NBN: variants seen among roughly 807,000 people sequenced by gnomAD.
NBN encodes Nijmegen breakage syndrome 1 (nibrin).
NBN carries 88 observed loss-of-function variants against 90.8 expected under a neutral mutation model. That is an observed-to-expected ratio of 0.97 (90% CI 0.82 to 1.16). The LOEUF is 1.16. Among genes scored for constraint, NBN ranks in the 50% most tolerant of loss-of-function variants. The probability of loss-of-function intolerance (pLI) is 0.00; values close to 1 mark genes in which losing one functional copy is unlikely to be tolerated. For missense variants in NBN, 894 were observed against 869.6 expected, an observed-to-expected ratio of 1.03 and a Z score of -0.35; for synonymous variants, 328 against 295.1, an observed-to-expected ratio of 1.11 and a Z score of -1.14.
At chr8:89,958,667 T>C in intron 9 of NBN, 58 bp downstream of exon 9, 1 of 1,566,420 alleles carries the variant, frequency 6.4e-7, no homozygotes, top group South Asian at 1.1e-5. Context: ...ACTTCCTGAA[T>C]ATACTATTAA....
chr8:89,978,661 G>A (rs1811891016), intron 4 of NBN, among the ~76,000 whole-genome samples: 1 of 152,118 alleles, frequency 6.6e-6, no homozygotes, highest in African/African-American at 2.4e-5. Context: ...ACATTAAAAT[G>A]TTAAAAATAT....
chr8:89,983,431 CA>C (rs35054147), intron 1 of NBN, among the ~76,000 whole-genome samples: 43,980 of 121,140 alleles, frequency 0.36, 6,422 homozygotes, highest in East Asian at 0.49. Context: ...GACTCCGTCT[CA>C]AAAAAAAAAA....
rs375584006 is a variant in NBN at position 89,984,573 on chromosome 8, C to A, written c.-12G>T. On this transcript the variant is annotated 5_prime_UTR_variant, in exon 1 of 16. In the 5' UTR this introduces an upstream ATG that the reference lacks. Coordinates refer to ENST00000265433, the MANE Select transcript of NBN (RefSeq NM_002485.5). Reference sequence around the variant, plus strand: ...AGCAGTTTCCACATCGGTCCGGCTCCTCAGGGCTGGGGCCGACGTGCAACC... The same window carrying A: ...AGCAGTTTCCACATCGGTCCGGCTCATCAGGGCTGGGGCCGACGTGCAACC... 6 of 1,612,832 alleles carry A rather than the reference C, an allele frequency of 3.7e-6. No homozygotes were observed. The highest frequency in any genetic ancestry group is 5.1e-6 in the Non-Finnish European group (6 of 1,179,754).
At chr8:89,962,060 A>G (rs1481676854) in intron 8 of NBN, among the ~76,000 whole-genome samples, 1 of 152,194 alleles carries the variant, frequency 6.6e-6, no homozygotes, top group African/African-American at 2.4e-5. Context: ...TCTTCTTTTT[A>G]TATAAAAGAA....
chr8:89,969,033 A>G (rs1479917589), intron 7 of NBN, among the ~76,000 whole-genome samples: 1 of 152,246 alleles, frequency 6.6e-6, no homozygotes, highest in Non-Finnish European at 1.5e-5. Flanking sequence ...AGAGAAAAAA[A>G]GAAAATCCCC....
chr8:89,941,154 T>C (rs538150406), intron 14 of NBN, among the ~76,000 whole-genome samples: 12 of 152,206 alleles, frequency 7.9e-5, no homozygotes, highest in Non-Finnish European at 5.9e-5. Context: ...AAATATAAAA[T>C]ATTTAAAATA....
At position 89,958,744 on chromosome 8, in the gene NBN, A is replaced by G. The variant is rs2129744768; in HGVS notation, c.1105T>C (p.Ser369Pro). 6.2e-7 allele frequency: 1 copy of G among 1,614,084 alleles called. No homozygotes were observed. The highest frequency in any genetic ancestry group is 8.5e-7 in the Non-Finnish European group (1 of 1,179,972). The change falls in exon 9 of 16, where the codon TCA (serine) becomes CCA (proline). Residue 369 changes from serine to proline, a missense_variant. Transcript: ENST00000265433. ...CTTTACCATGTATCTGCTTGCTCTG[A>G]TTCTGTGTCAGCTACGTATGTTGTA... The part of the protein sequence containing the change: ...NTTTYVADTE[S>P]EQADTWDLSE...
In NBN at chr8:89,943,038, CTTTTTT is replaced by C. The variant is rs10631091; in HGVS notation, c.2184+209_2184+214del. ...GTAAACTGAATTTCTTAGGTCTCAC[CTTTTTT>C]TTTTTTTTTAACAAAAATAAATTTA... On this transcript the variant is annotated intron_variant, in intron 14 of 15. Coordinates refer to ENST00000265433, the MANE Select transcript of NBN (RefSeq NM_002485.5). Among the ~76,000 whole-genome samples, 1,150 of 139,698 alleles carry C rather than the reference CTTTTTT, an allele frequency of 8.2e-3. 17 individuals carry two copies. Among genetic ancestry groups the C allele is most frequent in the African/African-American group, 0.029 (1,109 of 38,390 alleles). The allele number at this position is 139,698 out of a possible 152,430, so 91.6% of individuals were successfully genotyped here. A position where few individuals can be genotyped will look rare whatever the true frequency, so the allele number is the denominator to read the frequency against.
At chr8:89,942,507 A>G (rs13312954) in intron 14 of NBN, among the ~76,000 whole-genome samples, 2 of 152,194 alleles carry the variant, frequency 1.3e-5, no homozygotes, top group Non-Finnish European at 1.5e-5. Context: ...AACAAGGTAC[A>G]TAAGAGCAGA....
chr8:89,940,941 C>A (rs1209836337), intron 14 of NBN, among the ~76,000 whole-genome samples: 2 of 152,046 alleles, frequency 1.3e-5, no homozygotes, highest in Non-Finnish European at 2.9e-5. Flanking sequence ...TCATTCTGCA[C>A]AGATGGAAGC....
At chr8:89,937,271 G>A (rs928833070) in intron 14 of NBN, 196 bp from the exon 15 acceptor site, 3 of 583,172 alleles carry the variant, frequency 5.1e-6, no homozygotes, top group Non-Finnish European at 6.1e-6. Context: ...TTACAAAAGA[G>A]CTCTAACTAA....
At chr8:89,984,110 T>C (rs1367366797) in intron 1 of NBN, 3 of 241,150 alleles carry the variant, frequency 1.2e-5, no homozygotes, top group Non-Finnish European at 2.5e-5. Flanking sequence ...TTCCCCAAAC[T>C]GTCCAGTAGT....
chr8:89,980,649 G>C, intron 4 of NBN, 85 bp downstream of exon 4: 1 of 1,149,974 alleles, frequency 8.7e-7, no homozygotes, highest in Non-Finnish European at 1.3e-6. Flanking sequence ...TAGTTTTAAA[G>C]TAATTAAAAA....
intron 8 of NBN, among the ~76,000 whole-genome samples, chr8:89,960,243 T>C (rs1810928288): frequency 2.0e-5 from 3 of 152,260 alleles, no homozygotes; most frequent in Admixed American, 2.0e-4. Context: ...ACTTTCTCTA[T>C]GTGACCTCTA....
rs890949715 is a variant in NBN at position 89,963,365 on chromosome 8, T to C, written c.994+1045A>G. Among the ~76,000 whole-genome samples, 7 of 152,266 alleles carry C rather than the reference T, an allele frequency of 4.6e-5. No individual in the cohort carries two copies. The South Asian group carries it at 1.0e-3, about 23-fold the overall frequency. ...AGTGCTGTTCTCTAACTTGTCTCTT[T>C]TAGCCCAAGTTCAATAGCTGCTGAT... On this transcript the variant is annotated intron_variant, in intron 8 of 15. Transcript: ENST00000265433.
At chr8:89,973,002 T>C (rs938772139) in intron 5 of NBN, among the ~76,000 whole-genome samples, 1 of 152,230 alleles carries the variant, frequency 6.6e-6, no homozygotes, top group Non-Finnish European at 1.5e-5. Context: ...CAGCTAACTG[T>C]AGCTTAGTTC....
chr8:89,958,977 T>G (rs1156986442), intron 8 of NBN, 123 bp from the exon 9 acceptor site: 1 of 1,282,066 alleles, frequency 7.8e-7, no homozygotes, highest in African/African-American at 1.5e-5. Flanking sequence ...CTGCACATGG[T>G]TTTCTCCAAT....
chr8:89,947,825 G>T lies in NBN; in HGVS notation c.1913C>A (p.Ser638Tyr), dbSNP rs756036331. The T allele has an allele frequency of 2.6e-6, 4 of 1,554,862 alleles. No homozygotes were observed. The highest frequency in any genetic ancestry group is 2.3e-5 in the East Asian group (1 of 44,156). ...AAAAATTAATAAAACGTTTCTCACA[G>T]ATATTTCTTTAGCTGACCATAGTGA... is the stretch of plus-strand genomic sequence containing the variant. The part of the protein sequence containing the change: ...EDSLWSAKEI[S>Y]NNDKLQDDSE... The change falls in exon 12 of 16, where the codon TCT becomes TAT. Residue 638 changes from serine (S) to tyrosine (Y), a missense_variant and splice_region_variant. Physicochemically the swap from Ser to Tyr is moderately radical, Grantham distance 144 (BLOSUM62 -2). Coordinates refer to ENST00000265433, the MANE Select transcript of NBN (RefSeq NM_002485.5).
At chr8:89,961,596 A>C (rs1563543666) in intron 8 of NBN, among the ~76,000 whole-genome samples, 1 of 152,224 alleles carries the variant, frequency 6.6e-6, no homozygotes, top group Non-Finnish European at 1.5e-5. Flanking sequence ...CTAGGAATGG[A>C]ACATGATGTT....
Sources: allele counts gnomAD v4.1 joint callset (sites outside exome capture counted in the v4.1 genomes callset), GRCh38; gene constraint gnomAD v4.1.1; transcripts MANE v1.5; gene names NCBI Gene and HGNC (gene_info 2026-07-23, HGNC 2026-07-21).